The following IKBKB-DT variants were observed in gnomAD, a reference collection of about 807,000 sequenced individuals.
The protein encoded by IKBKB-DT is IKBKB divergent transcript.
chr8:42,242,841 A>G (rs561795189), intron 3 of IKBKB-DT, among the ~76,000 whole-genome samples: 1 of 152,352 alleles, frequency 6.6e-6, no homozygotes, highest in Non-Finnish European at 1.5e-5. Flanking sequence ...CGATTTCCAC[A>G]TGATGGCTGC....
At chr8:42,240,240 G>A (rs1160322534) in intron 3 of IKBKB-DT, among the ~76,000 whole-genome samples, 1 of 145,856 alleles carries the variant, frequency 6.9e-6, no homozygotes, top group African/African-American at 2.6e-5. Flanking sequence ...TTTTTTTTGA[G>A]GAATCACTTT....
chr8:42,261,211 C>T (rs1467941974), intron 3 of IKBKB-DT, among the ~76,000 whole-genome samples: 1 of 152,026 alleles, frequency 6.6e-6, no homozygotes, highest in Non-Finnish European at 1.5e-5. Flanking sequence ...CCTGTAGTCC[C>T]AGTTACTCAG....
intron 3 of IKBKB-DT, among the ~76,000 whole-genome samples, chr8:42,234,614 T>C (rs1806894208): frequency 6.6e-6 from 1 of 152,084 alleles, no homozygotes; most frequent in Admixed American, 6.6e-5. Context: ...TATACTTTAT[T>C]TATTTTATTT....
At chr8:42,260,125 C>T (rs1189070966) in intron 3 of IKBKB-DT, among the ~76,000 whole-genome samples, 4 of 151,914 alleles carry the variant, frequency 2.6e-5, no homozygotes, top group African/African-American at 9.7e-5. Flanking sequence ...TCAAGTTCCC[C>T]AAAGAAGCCA....
chr8:42,245,116 G>A (rs548711804), intron 3 of IKBKB-DT, among the ~76,000 whole-genome samples: 118 of 152,076 alleles, frequency 7.8e-4, no homozygotes, highest in Admixed American at 1.8e-3. Flanking sequence ...TTAGCCAGGC[G>A]TGGTGGCACG....
At chr8:42,256,553 C>T (rs532967705) in intron 3 of IKBKB-DT, among the ~76,000 whole-genome samples, 8 of 152,076 alleles carry the variant, frequency 5.3e-5, no homozygotes, top group African/African-American at 1.7e-4. Flanking sequence ...ACCTGGGCAA[C>T]AAGAGCAAAA....
chr8:42,248,523 T>C (rs978734145), intron 3 of IKBKB-DT, among the ~76,000 whole-genome samples: 2 of 152,230 alleles, frequency 1.3e-5, no homozygotes, highest in Non-Finnish European at 1.5e-5. Flanking sequence ...CAGAGAGTTT[T>C]GATTTTCACA....
intron 3 of IKBKB-DT, among the ~76,000 whole-genome samples, chr8:42,246,866 G>A (rs867496278): frequency 5.3e-5 from 8 of 152,254 alleles, no homozygotes; most frequent in Middle Eastern, 3.4e-3. Context: ...AGGGGGAATG[G>A]TTTTGGGATG....
intron 3 of IKBKB-DT, among the ~76,000 whole-genome samples, chr8:42,244,678 A>G (rs1451338730): frequency 6.6e-6 from 1 of 152,044 alleles, no homozygotes; most frequent in Non-Finnish European, 1.5e-5. Context: ...TTAGAGTTTC[A>G]TTTTATATGT....
intron 3 of IKBKB-DT, among the ~76,000 whole-genome samples, chr8:42,262,327 AAAAAG>A (rs892962469): frequency 2.6e-5 from 4 of 151,814 alleles, no homozygotes; most frequent in African/African-American, 9.7e-5. Context: ...ATTTAAAAAA[AAAAAG>A]AAAAGAAAAG....
chr8:42,238,453 A>G (rs183903051), intron 3 of IKBKB-DT, among the ~76,000 whole-genome samples: 38 of 152,308 alleles, frequency 2.5e-4, no homozygotes, highest in African/African-American at 8.4e-4. Flanking sequence ...TCAGGGACTG[A>G]AAGAGCCTTT....
At chr8:42,270,138 G>C (rs7825781) in intron 1 of IKBKB-DT, among the ~76,000 whole-genome samples, 3,422 of 152,242 alleles carry the variant, frequency 0.022, 138 homozygotes, top group African/African-American at 0.078. Context: ...AAGAACCCGG[G>C]AACCAGTTGC....
intron 3 of IKBKB-DT, among the ~76,000 whole-genome samples, chr8:42,258,889 A>C (rs1376198981): frequency 6.6e-6 from 1 of 152,224 alleles, no homozygotes; most frequent in Non-Finnish European, 1.5e-5. Flanking sequence ...GCAATCATTA[A>C]GAAATTTCTA....
intron 3 of IKBKB-DT, among the ~76,000 whole-genome samples, chr8:42,259,810 T>C (rs1037635247): frequency 2.6e-5 from 4 of 151,908 alleles, no homozygotes; most frequent in Non-Finnish European, 5.9e-5. Flanking sequence ...GGCAAAACCC[T>C]GTCTCTTCGA....
intron 1 of IKBKB-DT, chr8:42,266,534 C>T (rs1276211701): frequency 6.6e-6 from 1 of 152,538 alleles, no homozygotes; most frequent in African/African-American, 2.4e-5. Flanking sequence ...ATCCTTATCA[C>T]TAGTACTGCC....
At chr8:42,246,678 G>A (rs1807068416) in intron 3 of IKBKB-DT, among the ~76,000 whole-genome samples, 1 of 152,166 alleles carries the variant, frequency 6.6e-6, no homozygotes, top group African/African-American at 2.4e-5. Flanking sequence ...GAAGGGTTAG[G>A]AGAAAACAGC....
chr8:42,255,503 T>G (rs1807186480), intron 3 of IKBKB-DT: 1 of 152,176 alleles, frequency 6.6e-6, no homozygotes, highest in Non-Finnish European at 1.5e-5. Flanking sequence ...GGAAGTGACC[T>G]TTCTTACTCA....
At chr8:42,244,865 A>G in intron 3 of IKBKB-DT, among the ~76,000 whole-genome samples, 1 of 152,186 alleles carries the variant, frequency 6.6e-6, no homozygotes, top group Admixed American at 6.5e-5. Flanking sequence ...CCTATGGAAA[A>G]AGCTCTTCTG....
At chr8:42,239,557 CAAAT>C (rs1806970940) in intron 3 of IKBKB-DT, among the ~76,000 whole-genome samples, 1 of 140,696 alleles carries the variant, frequency 7.1e-6, no homozygotes, top group Non-Finnish European at 1.5e-5. Flanking sequence ...TTCTCCAAAA[CAAAT>C]ACTTTCTTTT....
Sources: gnomAD v4.1 joint callset for allele counts (sites outside exome capture counted in the v4.1 genomes callset) on GRCh38, gnomAD v4.1.1 for gene constraint, MANE v1.5 for transcripts, NCBI Gene and HGNC (gene_info 2026-07-23, HGNC 2026-07-21) for gene names.